BLZF1: variants seen among roughly 807,000 people sequenced by gnomAD.
BLZF1 encodes the protein golgin-45.
BLZF1 carries 39 observed loss-of-function variants against 43.8 expected under a neutral mutation model. The observed-to-expected ratio is 0.89, with a 90% CI of 0.69 to 1.16. The LOEUF is 1.16. Among genes scored for constraint, BLZF1 ranks in the 50% most tolerant of loss-of-function variants. The probability of loss-of-function intolerance (pLI) is 0.00; values close to 1 mark genes in which losing one functional copy is unlikely to be tolerated. For synonymous variants in BLZF1, 136 were observed against 159.4 expected (o/e 0.85, Z 1.11); for missense variants, 449 against 469.8 (o/e 0.96, Z 0.41).
chr1:169,386,666 G>A (rs1336663458), intron 6 of BLZF1, among the ~76,000 whole-genome samples: 4 of 134,340 alleles, frequency 3.0e-5, no homozygotes, highest in South Asian at 4.6e-4. Flanking sequence ...GCCACAGAGC[G>A]AGACTCCATC....
At chr1:169,377,049 G>C (rs1654381845) in intron 3 of BLZF1, 70 bp downstream of exon 3, 2 of 1,248,514 alleles carry the variant, frequency 1.6e-6, no homozygotes, top group Non-Finnish European at 2.3e-6. Flanking sequence ...GTGCATGTTA[G>C]AAAACTACAT....
At chr1:169,393,229 G>C (rs1339397135), downstream of BLZF1, among the ~76,000 whole-genome samples, 1 of 151,944 alleles carries the variant, frequency 6.6e-6, no homozygotes, top group Non-Finnish European at 1.5e-5. Flanking sequence ...AGTATTGAGA[G>C]TATACAAGGA....
chr1:169,373,748 C>T (rs1459373008), intron 2 of BLZF1, among the ~76,000 whole-genome samples: 4 of 152,112 alleles, frequency 2.6e-5, no homozygotes, highest in African/African-American at 2.4e-5. Context: ...TGTTAAATAC[C>T]TATTAATGGT....
intron 2 of BLZF1, among the ~76,000 whole-genome samples, chr1:169,372,204 G>A (rs1166336476): frequency 2.0e-5 from 3 of 149,048 alleles, no homozygotes; most frequent in Non-Finnish European, 4.4e-5. Context: ...TGATATGGGT[G>A]ACATTTAAAA....
At chr1:169,393,132 T>G (rs1368343174), downstream of BLZF1, among the ~76,000 whole-genome samples, 1 of 152,154 alleles carries the variant, frequency 6.6e-6, no homozygotes, top group Non-Finnish European at 1.5e-5. Context: ...AATTGTAGAA[T>G]ACCTACTTGG....
chr1:169,381,339 A>G (rs181947694), intron 5 of BLZF1, among the ~76,000 whole-genome samples: 129 of 152,250 alleles, frequency 8.5e-4, no homozygotes, highest in Middle Eastern at 3.4e-3. Flanking sequence ...CTCAAGAACA[A>G]ATAGATAACC....
At chr1:169,381,430 A>T (rs1654523738) in intron 5 of BLZF1, among the ~76,000 whole-genome samples, 1 of 152,138 alleles carries the variant, frequency 6.6e-6, no homozygotes. Context: ...TTCCAGGTCT[A>T]GATGGATTCA....
At chr1:169,373,634 G>A (rs1171324948) in intron 2 of BLZF1, among the ~76,000 whole-genome samples, 1 of 152,170 alleles carries the variant, frequency 6.6e-6, no homozygotes. Flanking sequence ...AAATGCTTGA[G>A]TAAGTAGAAC....
chr1:169,379,008 T>G (rs910997440), intron 4 of BLZF1, among the ~76,000 whole-genome samples: 3 of 151,938 alleles, frequency 2.0e-5, no homozygotes, highest in Non-Finnish European at 4.4e-5. Flanking sequence ...GAGGCTACTC[T>G]CATATGGCAG....
At position 169,395,026 on chromosome 1, in the gene BLZF1, T is replaced by A. The variant is rs1249662286; in HGVS notation, c.*28-868T>A. On this transcript the variant is annotated intron_variant, in intron 7 of 7. Coordinates refer to the BLZF1 transcript ENST00000329281. ...CAAAATTTTGATAGCAGCTGCCCACTGAAATATTTAATAGAAACTTTCAGT... is the reference window on the plus strand; with the variant it reads ...CAAAATTTTGATAGCAGCTGCCCACAGAAATATTTAATAGAAACTTTCAGT... 3 of 1,564,378 alleles carry A rather than the reference T, an allele frequency of 1.9e-6. No homozygotes were observed. The South Asian group carries it at 3.6e-5, about 19-fold the overall frequency.
intron 5 of BLZF1, 83 bp downstream of exon 5, chr1:169,380,692 G>A: frequency 6.5e-7 from 1 of 1,527,946 alleles, no homozygotes; most frequent in Non-Finnish European, 9.0e-7. Flanking sequence ...TTGTTTGTTT[G>A]TTTTTGTTTT....
chr1:169,380,415 T>A, intron 4 of BLZF1, 66 bp from the exon 5 acceptor site: 1 of 1,426,458 alleles, frequency 7.0e-7, no homozygotes, highest in Non-Finnish European at 9.6e-7. Context: ...CACAAAGTAG[T>A]ATATTCAATT....
chr1:169,390,107 G>A (rs529774112), downstream of BLZF1, among the ~76,000 whole-genome samples: 11 of 152,006 alleles, frequency 7.2e-5, no homozygotes, highest in Non-Finnish European at 1.0e-4. Flanking sequence ...AATTTTACAC[G>A]TTACAATTAA....
chr1:169,370,628 A>G (rs1019968936), intron 2 of BLZF1, among the ~76,000 whole-genome samples: 2 of 152,228 alleles, frequency 1.3e-5, no homozygotes, highest in Admixed American at 6.5e-5. Flanking sequence ...GTAGGCAAAT[A>G]TGGCGAGTAG....
Position 169,386,420 on chromosome 1 carries a change from T to TA in BLZF1, c.1018-570dup, listed in dbSNP as rs943509554. Among the ~76,000 whole-genome samples the TA allele has an allele frequency of 5.9e-5, 9 of 152,002 alleles. No individual in the cohort carries two copies. In the South Asian group the frequency reaches 6.2e-4, roughly 11 times the overall value. On this transcript the variant is annotated intron_variant, in intron 6 of 6. Coordinates refer to ENST00000367808, the MANE Select transcript of BLZF1 (RefSeq NM_001320973.2). The stretch of plus-strand genomic sequence containing the variant: ...ATCACTTAATGATATAATTGACATG[T>TA]AAAAAAACTGACCTCCTGGGGGGCC...
chr1:169,393,604 T>C (rs1273531924), intron 7 of BLZF1, among the ~76,000 whole-genome samples: 7 of 145,968 alleles, frequency 4.8e-5, no homozygotes, highest in African/African-American at 1.8e-4. Flanking sequence ...AAAAAACAAC[T>C]TTGTCTCTTT....
At chr1:169,395,607 C>A (rs1654976361) in intron 7 of BLZF1, among the ~76,000 whole-genome samples, 1 of 152,162 alleles carries the variant, frequency 6.6e-6, no homozygotes, top group Non-Finnish European at 1.5e-5. Flanking sequence ...AGAATACTAT[C>A]ATGCAGAAAT....
At chr1:169,381,846 A>G (rs1310651022) in intron 5 of BLZF1, among the ~76,000 whole-genome samples, 2 of 152,190 alleles carry the variant, frequency 1.3e-5, no homozygotes, top group East Asian at 3.8e-4. Context: ...ACTGTTTGTT[A>G]AATGATTTTC....
In BLZF1 at chr1:169,378,575, A is replaced by T. The variant is rs150391978; in HGVS notation, c.668+46A>T. On this transcript the variant is annotated intron_variant, in intron 4 of 6. Coordinates refer to ENST00000367808, the MANE Select transcript of BLZF1 (RefSeq NM_001320973.2). The stretch of plus-strand genomic sequence containing the variant: ...TATTTCACTTCCTAGTTTTTGCTCC[A>T]TCAGGTTTTTGATCTATAACACAAG... The T allele has an allele frequency of 9.3e-3, 14,698 of 1,586,914 alleles. 85 individuals are homozygous for T. The highest frequency in any genetic ancestry group is 0.01 in the Non-Finnish European group (12,038 of 1,158,590).
Sources: gnomAD v4.1 joint callset for allele counts (sites outside exome capture counted in the v4.1 genomes callset) on GRCh38, gnomAD v4.1.1 for gene constraint, MANE v1.5 for transcripts, NCBI Gene and HGNC (gene_info 2026-07-23, HGNC 2026-07-21) for gene names.